The following B3GALT5 variants were observed in gnomAD, a reference collection of about 807,000 sequenced individuals.
B3GALT5 encodes UDP-Gal:betaGlcNAc beta 1,3-galactosyltransferase, polypeptide 5.
For synonymous variants in B3GALT5, 156 were observed against 158.6 expected (o/e 0.98, Z 0.12); for missense variants, 328 against 396.6 (o/e 0.83, Z 1.47).
chr21:39,629,887 C>T (rs993861689), intron 1 of B3GALT5, among the ~76,000 whole-genome samples: 1 of 152,138 alleles, frequency 6.6e-6, no homozygotes, highest in African/African-American at 2.4e-5. Context: ...TGTGCAGAAG[C>T]ACATATAGTT....
At chr21:39,617,059 A>G (rs2079110677) in intron 1 of B3GALT5, among the ~76,000 whole-genome samples, 1 of 152,212 alleles carries the variant, frequency 6.6e-6, no homozygotes, top group Admixed American at 6.5e-5. Flanking sequence ...ATAGGAAAGC[A>G]TTGTTGAAGC....
chr21:39,656,469 T>TA (rs756284827), intron 2 of B3GALT5, among the ~76,000 whole-genome samples: 1 of 152,168 alleles, frequency 6.6e-6, no homozygotes, highest in Non-Finnish European at 1.5e-5. Flanking sequence ...GGGCTCAGAA[T>TA]GCTCACCAGC....
chr21:39,661,982 C>G lies in B3GALT5; in HGVS notation c.*490C>G, dbSNP rs1257194209. 1.2e-5 allele frequency: 2 copies of G among 167,510 alleles called. No homozygotes were observed. Among genetic ancestry groups the G allele is most frequent in the Non-Finnish European group, 2.9e-5 (2 of 68,456 alleles). The allele number at this position is 167,510 out of a possible 1,614,324, so 10.4% of individuals were successfully genotyped here. A position where few individuals can be genotyped will look rare whatever the true frequency, so the allele number is the denominator to read the frequency against. The stretch of plus-strand genomic sequence containing the variant: ...TCTCGGAGCCGGCATCCTTCCATCC[C>G]TGTCGAGTCCCCTCCACCTCAGCTC... On this transcript the variant is annotated 3_prime_UTR_variant, in exon 4 of 4. Transcript: ENST00000684187. The surrounding 1 kb of genome is among the most constrained non-coding windows in gnomAD (Gnocchi z 4.7).
At chr21:39,632,208 G>A (rs572471075) in intron 1 of B3GALT5, among the ~76,000 whole-genome samples, 6 of 152,270 alleles carry the variant, frequency 3.9e-5, no homozygotes, top group South Asian at 2.1e-4. Flanking sequence ...CATTTCCCAA[G>A]TCTTCCCTTA....
intron 1 of B3GALT5, among the ~76,000 whole-genome samples, chr21:39,639,448 C>CTTTCTT (rs2079270083): frequency 8.2e-6 from 1 of 121,702 alleles, no homozygotes; most frequent in East Asian, 2.6e-4. Context: ...TTCTTTCTTT[C>CTTTCTT]TTTCTTTTTT....
chr21:39,657,585 G>A (rs933442809), intron 2 of B3GALT5: 9 of 255,508 alleles, frequency 3.5e-5, no homozygotes, highest in South Asian at 1.7e-4. Context: ...TCTCCAGCTT[G>A]CATGGCCTGT....
intron 2 of B3GALT5, among the ~76,000 whole-genome samples, chr21:39,649,731 C>T (rs950628442): frequency 5.9e-5 from 9 of 151,962 alleles, no homozygotes; most frequent in African/African-American, 4.8e-5. Context: ...GGGTGGGGGA[C>T]GAGGAACCGA....
intron 1 of B3GALT5, among the ~76,000 whole-genome samples, chr21:39,639,400 TTTTCTTTCTTTCTTTC>T (rs71330377): frequency 4.9e-4 from 28 of 57,200 alleles, no homozygotes; most frequent in East Asian, 3.0e-3. Context: ...CCTTCTTTCT[TTTTCTTTCTTTCTTTC>T]TTTCTTTCTT....
chr21:39,628,897 A>G (rs1004718974), intron 1 of B3GALT5, among the ~76,000 whole-genome samples: 2 of 152,218 alleles, frequency 1.3e-5, no homozygotes, highest in Non-Finnish European at 2.9e-5. Context: ...ATTTTTAGAG[A>G]AAATCAAGTC....
rs1379991163 is a variant in B3GALT5 at position 39,670,539 on chromosome 21, G to A, written c.*9047G>A. On this transcript the variant is annotated 3_prime_UTR_variant, in exon 4 of 4. Coordinates refer to ENST00000684187, the MANE Select transcript of B3GALT5 (RefSeq NM_001356336.2). ...CACACCCATGTTCAGTAAGGTGGAA[G>A]CCAGCTGCAGGCGTGGTCCACAGTT... The A allele has an allele frequency of 6.6e-6, 1 of 152,246 alleles. No individual in the cohort carries two copies. The highest frequency in any genetic ancestry group is 1.9e-4 in the East Asian group (1 of 5,198). The allele number at this position is 152,246 out of a possible 1,614,324, so 9.4% of individuals were successfully genotyped here.
intron 2 of B3GALT5, among the ~76,000 whole-genome samples, chr21:39,653,511 G>T (rs776722654): frequency 6.6e-6 from 1 of 152,244 alleles, no homozygotes; most frequent in African/African-American, 2.4e-5. Flanking sequence ...GTTCAGGGAC[G>T]CTGGTTTGGT....
chr21:39,614,611 A>G (rs1306830963), intron 1 of B3GALT5, among the ~76,000 whole-genome samples: 1 of 152,200 alleles, frequency 6.6e-6, no homozygotes, highest in Non-Finnish European at 1.5e-5. Context: ...ACCATGGCCA[A>G]ACTTCTCCAC....
intron 1 of B3GALT5, among the ~76,000 whole-genome samples, chr21:39,642,847 G>A (rs1282728303): frequency 6.8e-6 from 1 of 147,320 alleles, no homozygotes; most frequent in East Asian, 2.0e-4. Flanking sequence ...AACAGACTGG[G>A]CAACATAACG....
Position 39,663,095 on chromosome 21 carries a change from T to C in B3GALT5, c.*1603T>C, listed in dbSNP as rs1259685031. ...TTCTCAGGTGGAAAAAATCAGGGACTGAGCTTGTCTTTTGAAGCCCAAATT... is the reference window on the plus strand; with the variant it reads ...TTCTCAGGTGGAAAAAATCAGGGACCGAGCTTGTCTTTTGAAGCCCAAATT... On this transcript the variant is annotated 3_prime_UTR_variant, in exon 4 of 4. Coordinates refer to ENST00000684187, the MANE Select transcript of B3GALT5 (RefSeq NM_001356336.2). The C allele has an allele frequency of 1.3e-5, 2 of 152,240 alleles. No individual in the cohort carries two copies. The highest frequency in any genetic ancestry group is 2.1e-4 in the South Asian group (1 of 4,834). The allele number at this position is 152,240 out of a possible 1,614,324, so 9.4% of individuals were successfully genotyped here.
intron 1 of B3GALT5, among the ~76,000 whole-genome samples, chr21:39,643,275 G>A (rs563410627): frequency 1.8e-4 from 28 of 151,786 alleles, no homozygotes; most frequent in Admixed American, 5.2e-4. Flanking sequence ...AGCCTGGGCC[G>A]GGCACAGTGG....
chr21:39,648,949 G>C (rs769165909), intron 2 of B3GALT5, among the ~76,000 whole-genome samples: 3 of 152,238 alleles, frequency 2.0e-5, no homozygotes, highest in Admixed American at 6.5e-5. Context: ...CTGGGACCCT[G>C]ATCTTAGACT....
rs959938716 is a variant in B3GALT5, at chr21:39,670,799, T to C, written c.*9307T>C. Reference sequence around the variant, plus strand: ...GCCAAGAGTCTATGGCTCTGTGATATATTAAATCAGGCTTGTTAATTATTT... The same window carrying C: ...GCCAAGAGTCTATGGCTCTGTGATACATTAAATCAGGCTTGTTAATTATTT... On this transcript the variant is annotated 3_prime_UTR_variant, in exon 4 of 4. Transcript: ENST00000684187. The C allele has an allele frequency of 1.3e-5, 2 of 152,148 alleles. No individual in the cohort carries two copies. Among genetic ancestry groups the C allele is most frequent in the South Asian group, 2.1e-4 (1 of 4,830 alleles). 9.4% of individuals were successfully genotyped at this position (152,148 alleles called of 1,614,324 possible). A position where few individuals can be genotyped will look rare whatever the true frequency, so the allele number is the denominator to read the frequency against.
chr21:39,655,207 G>A lies in B3GALT5; in HGVS notation c.-160-4546G>A, dbSNP rs181175099. 3.1e-3 allele frequency among the ~76,000 whole-genome samples: 477 copies of A among 152,356 alleles called. 2 individuals carry two copies. The highest frequency in any genetic ancestry group is 0.011 in the African/African-American group (450 of 41,572). ...GGACCCAGGAAGAGCTGATGTTTCA[G>A]TTCAAGTCCGAAGGCAGGAAAAGAC... On this transcript the variant is annotated intron_variant, in intron 2 of 3. Transcript: ENST00000684187.
chr21:39,615,721 A>C (rs75321662), intron 1 of B3GALT5, among the ~76,000 whole-genome samples: 2,473 of 152,310 alleles, frequency 0.016, 76 homozygotes, highest in African/African-American at 0.057. Flanking sequence ...TGAAGAGAAT[A>C]ATAGTACTTA....
Sources: gnomAD v4.1 joint callset for allele counts (sites outside exome capture counted in the v4.1 genomes callset) on GRCh38, gnomAD v4.1.1 for gene constraint, Gnocchi (gnomAD v3.1) non-coding constraint, MANE v1.5 for transcripts, NCBI Gene and HGNC (gene_info 2026-07-23, HGNC 2026-07-21) for gene names.